MECOM: variants seen among roughly 807,000 people sequenced by gnomAD.
MECOM encodes MDS1 and EVI1 complex locus.
MECOM carries 13 observed loss-of-function variants against 116.3 expected under a neutral mutation model. The ratio of observed to expected loss-of-function variants is 0.11; its 90% CI spans 0.07 to 0.18. The LOEUF (loss-of-function observed/expected upper bound fraction) is 0.18, where lower values mean the gene tolerates loss of function less well. MECOM is among the 10% of genes least tolerant of loss of function. The probability of loss-of-function intolerance (pLI) is 1.00; values close to 1 mark genes in which losing one functional copy is unlikely to be tolerated. For missense variants in MECOM, 1,299 were observed against 1,509.0 expected (o/e 0.86, Z 2.31); for synonymous variants, 528 against 535.2 (o/e 0.99, Z 0.19).
chr3:169,460,125 C>T (rs1747187380), intron 1 of MECOM, among the ~76,000 whole-genome samples: 1 of 151,952 alleles, frequency 6.6e-6, no homozygotes, highest in African/African-American at 2.4e-5. Context: ...TCTCAGACTC[C>T]CACGTCCTCA....
chr3:169,647,350 C>T (rs541030327), intron 1 of MECOM, among the ~76,000 whole-genome samples: 1 of 152,312 alleles, frequency 6.6e-6, no homozygotes, highest in East Asian at 1.9e-4. Context: ...CACTCAACAA[C>T]CTTGACTGGC....
At chr3:169,290,261 A>C (rs1274250690) in intron 2 of MECOM, among the ~76,000 whole-genome samples, 2 of 152,172 alleles carry the variant, frequency 1.3e-5, no homozygotes, top group Admixed American at 1.3e-4. Flanking sequence ...AAACACAGTA[A>C]CTGGGGGAAA....
chr3:169,170,337 G>T (rs536933745), intron 2 of MECOM, among the ~76,000 whole-genome samples: 1 of 149,650 alleles, frequency 6.7e-6, no homozygotes, highest in African/African-American at 2.5e-5. Context: ...AACCCGGGAG[G>T]CGGAGGTTGC....
At chr3:169,085,136 AC>A in intron 16 of MECOM, 93 bp from the exon 17 acceptor site, 1 of 1,501,082 alleles carries the variant, frequency 6.7e-7, no homozygotes, top group Non-Finnish European at 9.2e-7. Flanking sequence ...AAGGGATGGG[AC>A]CCTGAGTAGG....
intron 2 of MECOM, among the ~76,000 whole-genome samples, chr3:169,322,997 T>TAAAAAAAAAA (rs748984561): frequency 1.1e-4 from 6 of 56,048 alleles, no homozygotes; most frequent in African/African-American, 2.8e-4. Flanking sequence ...AAGACTCCGG[T>TAAAAAAAAAA]AAAAAAAAAA....
At chr3:169,397,693 A>G (rs1735230240) in intron 1 of MECOM, among the ~76,000 whole-genome samples, 1 of 152,194 alleles carries the variant, frequency 6.6e-6, no homozygotes, top group Non-Finnish European at 1.5e-5. Context: ...CCTTGATAAC[A>G]TTCTCAAGAG....
At chr3:169,207,247 CG>C (rs1750061093) in intron 2 of MECOM, among the ~76,000 whole-genome samples, 1 of 152,144 alleles carries the variant, frequency 6.6e-6, no homozygotes, top group Admixed American at 6.5e-5. Context: ...GATGGATAGG[CG>C]TTCCAGGTTA....
intron 2 of MECOM, among the ~76,000 whole-genome samples, chr3:169,194,702 C>G (rs1008958202): frequency 1.3e-5 from 2 of 151,988 alleles, no homozygotes; most frequent in Non-Finnish European, 2.9e-5. Flanking sequence ...CCGCTGAAAT[C>G]ACCAGGAGTC....
intron 2 of MECOM, among the ~76,000 whole-genome samples, chr3:169,297,466 T>C (rs1321576547): frequency 1.3e-5 from 2 of 152,150 alleles, no homozygotes; most frequent in African/African-American, 2.4e-5. Context: ...TCAGAGGAAA[T>C]CTTTGCAATT....
At chr3:169,217,840 T>A (rs1751602674) in intron 2 of MECOM, among the ~76,000 whole-genome samples, 1 of 128,344 alleles carries the variant, frequency 7.8e-6, no homozygotes, top group Non-Finnish European at 1.8e-5. Context: ...AAAATATATA[T>A]GTAATATATA....
At position 169,143,697 on chromosome 3, in the gene MECOM, C is replaced by T; in HGVS notation, c.510+1G>A. 6.3e-7 allele frequency: 1 copy of T among 1,592,832 alleles called. No homozygotes were observed. Among genetic ancestry groups the T allele is most frequent in the Non-Finnish European group, 8.6e-7 (1 of 1,169,384 alleles). ...AAGACAAGAAAATCTTTACAACATACCTGATCATTTATCTGGCATGCAACA... is the reference window on the plus strand; with the variant it reads ...AAGACAAGAAAATCTTTACAACATATCTGATCATTTATCTGGCATGCAACA... On this transcript the variant is annotated splice_donor_variant, in intron 3 of 16. Transcript: ENST00000651503. LOFTEE classifies it high-confidence loss of function.
At chr3:169,159,317 TG>T (rs1742476083) in intron 2 of MECOM, among the ~76,000 whole-genome samples, 1 of 152,176 alleles carries the variant, frequency 6.6e-6, no homozygotes, top group Admixed American at 6.5e-5. Context: ...TCCAGGACTC[TG>T]GGACGCCAAG....
intron 10 of MECOM, among the ~76,000 whole-genome samples, chr3:169,103,998 G>A (rs954034878): frequency 1.3e-5 from 2 of 152,008 alleles, no homozygotes; most frequent in South Asian, 2.1e-4. Context: ...CATCAAACAC[G>A]GTACAAAAAA....
At chr3:169,474,773 T>G (rs1750087235) in intron 1 of MECOM, among the ~76,000 whole-genome samples, 1 of 152,138 alleles carries the variant, frequency 6.6e-6, no homozygotes, top group African/African-American at 2.4e-5. Flanking sequence ...GCCCCCAGAA[T>G]GATTCTGCAG....
intron 2 of MECOM, among the ~76,000 whole-genome samples, chr3:169,216,586 A>G (rs1173341168): frequency 6.6e-6 from 1 of 152,054 alleles, no homozygotes; most frequent in Non-Finnish European, 1.5e-5. Flanking sequence ...GTAAAAAAAA[A>G]AAAAAAGTAC....
At chr3:169,312,470 G>A (rs1379494155) in intron 2 of MECOM, among the ~76,000 whole-genome samples, 3 of 148,126 alleles carry the variant, frequency 2.0e-5, no homozygotes, top group South Asian at 2.1e-4. Context: ...CAGGGTTCAC[G>A]CCATTCTCCT....
chr3:169,518,316 A>G (rs1756940436), intron 1 of MECOM, among the ~76,000 whole-genome samples: 1 of 152,140 alleles, frequency 6.6e-6, no homozygotes, highest in African/African-American at 2.4e-5. Context: ...GTGTTCTCCA[A>G]TTTAATTTAA....
chr3:169,102,217 T>C lies in MECOM; in HGVS notation c.2614A>G (p.Ile872Val), dbSNP rs760795031. The C allele has an allele frequency of 7.4e-6, 12 of 1,612,782 alleles. No individual in the cohort carries two copies. The highest frequency in any genetic ancestry group is 1.3e-5 in the African/African-American group (1 of 75,020). ...TCTAGCTTTTCTGCCATGTTTTCAA[T>C]AGCTGACATCTGAAAGGTAAAAGCA... ...LPDQRTWMSA[I>V]ENMAEKLESF... Residue 872 changes from isoleucine (I) to valine (V), a missense_variant, in exon 11 of 17, where the codon ATT (isoleucine) becomes GTT (valine). Physicochemically the swap from Ile to Val is conservative, Grantham distance 29. Transcript: ENST00000651503.
At chr3:169,367,650 T>A (rs1729414126) in intron 2 of MECOM, among the ~76,000 whole-genome samples, 1 of 151,972 alleles carries the variant, frequency 6.6e-6, no homozygotes, top group South Asian at 2.1e-4. Context: ...GATTAAGAAG[T>A]ATCAACAAAT....
Sources: allele counts gnomAD v4.1 joint callset (sites outside exome capture counted in the v4.1 genomes callset), GRCh38; gene constraint gnomAD v4.1.1; transcripts MANE v1.5; gene names NCBI Gene and HGNC (gene_info 2026-07-23, HGNC 2026-07-21).